LCORL: variants seen among roughly 807,000 people sequenced by gnomAD.
LCORL encodes the protein ligand dependent nuclear receptor corepressor like, also known as ligand-dependent nuclear receptor corepressor-like protein.
In LCORL, 41 loss-of-function variants were observed where a neutral mutation model predicts 141.8. That is an observed-to-expected ratio of 0.29 (90% CI 0.23 to 0.38). The LOEUF is 0.38. LCORL is among the 10% of genes least tolerant of loss of function. The pLI is 1.00. For synonymous variants in LCORL, 618 were observed against 694.1 expected (o/e 0.89, Z 1.72); for missense variants, 1,759 against 2,035.0 (o/e 0.86, Z 2.61).
intron 1 of LCORL, among the ~76,000 whole-genome samples, chr4:17,988,380 T>C (rs1033594901): frequency 1.3e-5 from 2 of 152,164 alleles, no homozygotes; most frequent in Non-Finnish European, 2.9e-5. Context: ...CGGGTGATCC[T>C]CCTGATCCAG....
chr4:18,008,119 T>C (rs1369175359), intron 1 of LCORL, among the ~76,000 whole-genome samples: 2 of 152,200 alleles, frequency 1.3e-5, no homozygotes, highest in Non-Finnish European at 2.9e-5. Context: ...TGGAAAGGTA[T>C]TGCTCATCAT....
intron 4 of LCORL, among the ~76,000 whole-genome samples, chr4:17,922,174 A>G (rs1734400604): frequency 6.6e-6 from 1 of 152,128 alleles, no homozygotes; most frequent in Admixed American, 6.5e-5. Context: ...TCCTGTCCTG[A>G]CTAATACAGA....
intron 4 of LCORL, among the ~76,000 whole-genome samples, chr4:17,959,673 G>C (rs1713393167): frequency 6.6e-6 from 1 of 151,980 alleles, no homozygotes; most frequent in Admixed American, 6.6e-5. Flanking sequence ...AAGGATATTA[G>C]AAGATTTCTT....
In LCORL at chr4:17,873,746, G is replaced by T; in HGVS notation, c.5244C>A (p.Ile1748=). 4 of 1,233,934 alleles carry T rather than the reference G, an allele frequency of 3.2e-6. No homozygotes were observed. In the Middle Eastern group the frequency reaches 8.3e-4, roughly 255 times the overall value. The allele number at this position is 1,233,934 out of a possible 1,614,324, so 76.4% of individuals were successfully genotyped here. A position where few individuals can be genotyped will look rare whatever the true frequency, so the allele number is the denominator to read the frequency against. The change falls in exon 7 of 8, where the codon ATC becomes ATA. Residue 1748 remains isoleucine (I), a synonymous_variant. Coordinates refer to ENST00000635767, the Ensembl canonical transcript of LCORL. ...TGTCAGTAGATTCAGGAGAGTAAATGATTGTATTTAGCTTAAAAGTATTTC... is the reference window on the plus strand; with the variant it reads ...TGTCAGTAGATTCAGGAGAGTAAATTATTGTATTTAGCTTAAAAGTATTTC...
intron 1 of LCORL, among the ~76,000 whole-genome samples, chr4:18,004,087 T>C (rs530170823): frequency 9.8e-5 from 15 of 152,344 alleles, no homozygotes; most frequent in Middle Eastern, 3.4e-3. Context: ...CATTCTATAA[T>C]TGCTTTCTCT....
At chr4:17,854,101 G>A (rs1018306195) in intron 7 of LCORL, among the ~76,000 whole-genome samples, 2 of 152,094 alleles carry the variant, frequency 1.3e-5, no homozygotes, top group African/African-American at 4.8e-5. Context: ...ACGGTCTTTA[G>A]GGATAAGGAT....
At chr4:17,877,982 G>T in exon 7 of LCORL, 4 of 1,230,568 alleles carry the variant, frequency 3.3e-6, no homozygotes, top group Non-Finnish European at 4.1e-6. Flanking sequence ...CACAACTACA[G>T]AACAGACCAC....
intron 1 of LCORL, among the ~76,000 whole-genome samples, chr4:18,006,662 G>T (rs541694269): frequency 7.2e-5 from 11 of 152,128 alleles, no homozygotes; most frequent in Non-Finnish European, 1.5e-4. Context: ...CTTGTGCAGG[G>T]AAAGTCCCCT....
intron 1 of LCORL, among the ~76,000 whole-genome samples, chr4:17,979,497 T>C (rs933579218): frequency 6.6e-6 from 1 of 152,234 alleles, no homozygotes; most frequent in African/African-American, 2.4e-5. Context: ...TAGCTCTCCA[T>C]ACCTTACAGA....
At chr4:17,906,496 A>G (rs1481935829) in intron 5 of LCORL, among the ~76,000 whole-genome samples, 1 of 152,120 alleles carries the variant, frequency 6.6e-6, no homozygotes, top group East Asian at 1.9e-4. Flanking sequence ...CAAGAAGACT[A>G]GTTATAGATT....
intron 4 of LCORL, among the ~76,000 whole-genome samples, chr4:17,939,879 T>TACACACACACACAC (rs143670453): frequency 0.12 from 16,999 of 147,666 alleles, 1,097 homozygotes; most frequent in South Asian, 0.24. Context: ...TAGGTACATG[T>TACACACACACACAC]ACACACACAC....
exon 7 of LCORL, chr4:17,875,879 A>G: frequency 8.1e-7 from 1 of 1,231,154 alleles, no homozygotes; most frequent in Non-Finnish European, 1.0e-6. Context: ...CTTTTGCATG[A>G]CTGAATTTGT....
At chr4:17,970,072 CCTTAA>C (rs1320039260) in intron 2 of LCORL, among the ~76,000 whole-genome samples, 2 of 152,092 alleles carry the variant, frequency 1.3e-5, no homozygotes, top group Non-Finnish European at 2.9e-5. Flanking sequence ...ACTATCACTT[CCTTAA>C]CTTAAAACAT....
chr4:17,948,796 A>C (rs1739278664), intron 4 of LCORL, among the ~76,000 whole-genome samples: 1 of 152,052 alleles, frequency 6.6e-6, no homozygotes, highest in African/African-American at 2.4e-5. Flanking sequence ...AAGGGAGAAA[A>C]TGGGAAACAA....
chr4:18,001,427 T>C (rs16896232), intron 1 of LCORL, among the ~76,000 whole-genome samples: 11,727 of 152,218 alleles, frequency 0.077, 1,538 homozygotes, highest in African/African-American at 0.27. Flanking sequence ...TAGGCTATGC[T>C]GAGCTTTCTA....
At chr4:17,872,594 C>CA (rs1342780687) in intron 7 of LCORL, among the ~76,000 whole-genome samples, 1 of 152,024 alleles carries the variant, frequency 6.6e-6, no homozygotes, top group African/African-American at 2.4e-5. Flanking sequence ...AACATCTGGT[C>CA]AGTATAACTG....
chr4:18,006,753 T>TA (rs1217833529), intron 1 of LCORL, among the ~76,000 whole-genome samples: 1 of 152,122 alleles, frequency 6.6e-6, no homozygotes, highest in Non-Finnish European at 1.5e-5. Context: ...ATAATTCAAT[T>TA]ACCTCCCACC....
In LCORL at chr4:17,878,210, TG is replaced by T; in HGVS notation, c.779del (p.Ser260Ter). ...CTTCCTCTGATTTTGCATCAACAGT[TG>T]AACTAAAAATAAAAATCAAACAAAA... On this transcript the variant is annotated frameshift_variant and splice_region_variant, in exon 7 of 8. Transcript: ENST00000635767. LOFTEE classifies it high-confidence loss of function. 8.1e-7 allele frequency: 1 copy of T among 1,228,930 alleles called. No homozygotes were observed. 76.1% of individuals were successfully genotyped at this position (1,228,930 alleles called of 1,614,324 possible).
intron 4 of LCORL, among the ~76,000 whole-genome samples, chr4:17,930,294 G>A (rs1282196531): frequency 6.6e-6 from 1 of 152,208 alleles, no homozygotes; most frequent in African/African-American, 2.4e-5. Flanking sequence ...CTTGAGCCCA[G>A]ATGTTTGAGT....
Sources: allele counts gnomAD v4.1 joint callset (sites outside exome capture counted in the v4.1 genomes callset), GRCh38; gene constraint gnomAD v4.1.1; transcripts MANE v1.5; gene names NCBI Gene and HGNC (gene_info 2026-07-23, HGNC 2026-07-21).